The following ST3GAL3 variants were observed in gnomAD, a reference collection of about 807,000 sequenced individuals.
ST3GAL3 encodes the protein CMP-N-acetylneuraminate-beta-1,4-galactoside alpha-2,3-sialyltransferase.
ST3GAL3 carries 21 observed loss-of-function variants against 50.1 expected under a neutral mutation model. That is an observed-to-expected ratio of 0.42 (90% CI 0.30 to 0.60). ST3GAL3 has a LOEUF of 0.60. Ranked by LOEUF, ST3GAL3 falls within the 20% of genes least tolerant of loss-of-function variation. The pLI is 0.19. For synonymous variants in ST3GAL3, 183 were observed against 190.0 expected, an observed-to-expected ratio of 0.96 and a Z score of 0.30; for missense variants, 353 against 489.4, an observed-to-expected ratio of 0.72 and a Z score of 2.63.
intron 9 of ST3GAL3, among the ~76,000 whole-genome samples, chr1:43,904,892 T>TTC (rs2078955674): frequency 1.5e-5 from 2 of 134,278 alleles, no homozygotes; most frequent in African/African-American, 2.8e-5. Flanking sequence ...CCCGCCACTC[T>TTC]TCCTCCCCCT....
intron 11 of ST3GAL3, among the ~76,000 whole-genome samples, chr1:43,927,253 A>G (rs937323602): frequency 2.0e-5 from 3 of 152,098 alleles, no homozygotes; most frequent in African/African-American, 7.2e-5. Context: ...TGAACCCGGG[A>G]GGCAGAGGTT....
At chr1:43,795,437 T>C (rs1168555422) in intron 3 of ST3GAL3, among the ~76,000 whole-genome samples, 1 of 152,356 alleles carries the variant, frequency 6.6e-6, no homozygotes, top group Admixed American at 6.5e-5. Flanking sequence ...AGTTCTGCCT[T>C]ATTCATGCTC....
intron 9 of ST3GAL3, among the ~76,000 whole-genome samples, chr1:43,906,562 C>T (rs2079776241): frequency 6.9e-6 from 1 of 144,646 alleles, no homozygotes; most frequent in Admixed American, 6.9e-5. Flanking sequence ...CCTCTTCCCG[C>T]CACTCTTCCT....
chr1:43,763,985 G>A (rs1691568118), intron 2 of ST3GAL3, among the ~76,000 whole-genome samples: 1 of 152,220 alleles, frequency 6.6e-6, no homozygotes. Context: ...TCCTGGCTAT[G>A]TGACTTTGGG....
chr1:43,908,055 A>G (rs2080112465), intron 9 of ST3GAL3, among the ~76,000 whole-genome samples: 1 of 152,094 alleles, frequency 6.6e-6, no homozygotes, highest in African/African-American at 2.4e-5. Flanking sequence ...GTGAGCATTT[A>G]CTGTGTAGTG....
At chr1:43,780,268 C>A (rs10890281) in intron 2 of ST3GAL3, among the ~76,000 whole-genome samples, 41,008 of 151,802 alleles carry the variant, frequency 0.27, 5,752 homozygotes, top group Middle Eastern at 0.31. Context: ...GTATTCTAGG[C>A]TTTTGGTGTT....
chr1:43,827,314 A>G (rs2062937258), intron 4 of ST3GAL3, among the ~76,000 whole-genome samples: 1 of 152,200 alleles, frequency 6.6e-6, no homozygotes, highest in Non-Finnish European at 1.5e-5. Context: ...AAAATTTAAA[A>G]CACGGTGTCA....
rs67747915 is a variant in ST3GAL3, at chr1:43,761,950, CAAAAAAAAAAAA to C, written c.118+25588_118+25599del. 5.8e-4 allele frequency among the ~76,000 whole-genome samples: 40 copies of C among 68,852 alleles called. No homozygotes were observed. The East Asian group carries it at 8.6e-3, about 15-fold the overall frequency. The allele number at this position is 68,852 out of a possible 152,430, so 45.2% of individuals were successfully genotyped here. On this transcript the variant is annotated intron_variant, in intron 2 of 11. Transcript: ENST00000347631. The stretch of plus-strand genomic sequence containing the variant: ...TGGGCAACAGAGCGACACTCTGTCT[CAAAAAAAAAAAA>C]AAAAAAAAAAAAAAAAATTCAGGCT...
At chr1:43,753,006 G>T (rs570469195) in intron 2 of ST3GAL3, among the ~76,000 whole-genome samples, 1 of 152,310 alleles carries the variant, frequency 6.6e-6, no homozygotes, top group African/African-American at 2.4e-5. Context: ...AATTAAGTCA[G>T]AAATCTTATT....
At chr1:43,752,083 C>T (rs1018607149) in intron 2 of ST3GAL3, among the ~76,000 whole-genome samples, 3 of 152,108 alleles carry the variant, frequency 2.0e-5, no homozygotes, top group Non-Finnish European at 2.9e-5. Flanking sequence ...TCCCTAAGTG[C>T]GGGGATTACA....
rs992663534 is a variant in ST3GAL3 at position 43,894,381 on chromosome 1, A to G, written c.303-2A>G. The G allele has an allele frequency of 6.2e-7, 1 of 1,614,088 alleles. No homozygotes were observed. Among genetic ancestry groups the G allele is most frequent in the South Asian group, 1.1e-5 (1 of 91,078 alleles). On this transcript the variant is annotated splice_acceptor_variant, in intron 5 of 11. Transcript: ENST00000347631. LOFTEE classifies it high-confidence loss of function. The stretch of plus-strand genomic sequence containing the variant: ...ATCCTCAGCAGTCCTGTTATATTCC[A>G]GGTTCTCCAAGCCAGCACCCATGTT...
chr1:43,801,219 C>T lies in ST3GAL3; in HGVS notation c.166+9070C>T, dbSNP rs2059277776. ...CAATAATGCTCCTTAAATTGGTGTT[C>T]ATGGGCAATATTTGTGGTTGTCATC... On this transcript the variant is annotated intron_variant, in intron 3 of 11. Coordinates refer to ENST00000347631, the MANE Select transcript of ST3GAL3 (RefSeq NM_006279.5). The T allele has an allele frequency of 2.9e-5, 13 of 454,440 alleles. 1 individual carries two copies. The highest frequency in any genetic ancestry group is 1.9e-4 in the South Asian group (12 of 64,410). The allele number at this position is 454,440 out of a possible 1,614,324, so 28.2% of individuals were successfully genotyped here. A position where few individuals can be genotyped will look rare whatever the true frequency, so the allele number is the denominator to read the frequency against.
At chr1:43,741,115 C>T (rs112525236) in intron 2 of ST3GAL3, among the ~76,000 whole-genome samples, 1 of 151,946 alleles carries the variant, frequency 6.6e-6, no homozygotes, top group Non-Finnish European at 1.5e-5. Context: ...TTGCTTGAGC[C>T]CAGGAGTTCA....
intron 1 of ST3GAL3, among the ~76,000 whole-genome samples, chr1:43,728,346 C>T (rs960893159): frequency 7.7e-6 from 1 of 130,656 alleles, no homozygotes; most frequent in Non-Finnish European, 1.8e-5. Context: ...TCTCAGAAAA[C>T]AAAAACAAAA....
intron 4 of ST3GAL3, among the ~76,000 whole-genome samples, chr1:43,835,787 G>C (rs532957067): frequency 4.6e-5 from 7 of 152,194 alleles, no homozygotes; most frequent in Non-Finnish European, 1.0e-4. Context: ...AATTCAGAAA[G>C]ACCACAGGAA....
intron 9 of ST3GAL3, among the ~76,000 whole-genome samples, chr1:43,917,590 T>C (rs1425541462): frequency 6.7e-5 from 3 of 45,078 alleles, no homozygotes; most frequent in African/African-American, 2.2e-4. Flanking sequence ...ACGTATTATA[T>C]ATAATATATA....
Position 43,765,798 on chromosome 1 carries a change from CGCGTCCGCGCGTCCGCGT to C in ST3GAL3, c.119-26300_119-26283del, listed in dbSNP as rs1300266905. 6.8e-3 allele frequency among the ~76,000 whole-genome samples: 992 copies of C among 144,866 alleles called. 18 individuals are homozygous for C. Among genetic ancestry groups the C allele is most frequent in the African/African-American group, 0.026 (934 of 35,858 alleles). On this transcript the variant is annotated intron_variant, in intron 2 of 11. Coordinates refer to ENST00000347631, the MANE Select transcript of ST3GAL3 (RefSeq NM_006279.5). ...GTGTGTGTGTGTGCGCGCGCGCGCG[CGCGTCCGCGCGTCCGCGT>C]GCGCTTTTTTTTTAGTGGTATAGGA...
intron 2 of ST3GAL3, among the ~76,000 whole-genome samples, chr1:43,739,750 T>C (rs550299321): frequency 1.3e-3 from 192 of 152,264 alleles, no homozygotes; most frequent in African/African-American, 4.4e-3. Context: ...AAATTTATGT[T>C]TTCATTAATT....
rs1573469827 is a variant in ST3GAL3, at chr1:43,814,914, C to T, written c.190C>T (p.Leu64=). 1 of 1,614,152 alleles carries T rather than the reference C, an allele frequency of 6.2e-7. No individual in the cohort carries two copies. Among genetic ancestry groups the T allele is most frequent in the East Asian group, 2.2e-5 (1 of 44,882 alleles). Residue 64 remains leucine, a synonymous_variant, in exon 4 of 12, where the codon CTG becomes TTG. Coordinates refer to ENST00000347631, the MANE Select transcript of ST3GAL3 (RefSeq NM_006279.5). ...GSEYDRLGFL[L]NLDSKLPAEL... ...AGAGTATGATCGGTTGGGCTTCCTCCTGAATCTGGACTCTAAACTGTGAGT... is the reference window on the plus strand; with the variant it reads ...AGAGTATGATCGGTTGGGCTTCCTCTTGAATCTGGACTCTAAACTGTGAGT...
Sources: allele counts gnomAD v4.1 joint callset (sites outside exome capture counted in the v4.1 genomes callset), GRCh38; gene constraint gnomAD v4.1.1; transcripts MANE v1.5; gene names NCBI Gene and HGNC (gene_info 2026-07-23, HGNC 2026-07-21).